PHTF2: variants seen among roughly 807,000 people sequenced by gnomAD.
The protein encoded by PHTF2 is protein PHTF2.
A neutral mutation model predicts 101.2 loss-of-function variants in PHTF2; 60 were observed. The ratio of observed to expected loss-of-function variants is 0.59; its 90% confidence interval spans 0.48 to 0.73. The LOEUF is 0.73. Among genes scored for constraint, PHTF2 ranks in the 30% least tolerant of loss-of-function variants. The pLI is 0.00. For synonymous variants in PHTF2, 311 were observed against 307.3 expected (o/e 1.01, Z -0.13); for missense variants, 747 against 908.7 (o/e 0.82, Z 2.29).
exon 20 of PHTF2, chr7:77,955,425 T>C (rs865979424): frequency 6.5e-6 from 1 of 152,742 alleles, no homozygotes; most frequent in South Asian, 2.1e-4. Context: ...TACGGTATTA[T>C]ATAACAGGTC....
intron 1 of PHTF2, among the ~76,000 whole-genome samples, chr7:77,831,768 G>T (rs1795094526): frequency 1.3e-5 from 2 of 152,156 alleles, no homozygotes; most frequent in Admixed American, 1.3e-4. Context: ...CAAAGAGGTT[G>T]CTTCTGAATG....
Position 77,920,269 on chromosome 7 carries a change from T to C in PHTF2, c.777-10T>C. 1 of 1,487,530 alleles carries C rather than the reference T, an allele frequency of 6.7e-7. No homozygotes were observed. Among genetic ancestry groups the C allele is most frequent in the South Asian group, 1.2e-5 (1 of 82,910 alleles). The allele number at this position is 1,487,530 out of a possible 1,614,324, so 92.1% of individuals were successfully genotyped here. A position where few individuals can be genotyped will look rare whatever the true frequency, so the allele number is the denominator to read the frequency against. On this transcript the variant is annotated splice_polypyrimidine_tract_variant and intron_variant, in intron 9 of 19. Transcript: ENST00000416283. ...AGTCCAAACATTCTTCTGCATATTT[T>C]AATTTTTAGATCAAAGAAAGCAAAG...
At chr7:77,866,019 A>T (rs1584528891) in intron 3 of PHTF2, among the ~76,000 whole-genome samples, 1 of 151,978 alleles carries the variant, frequency 6.6e-6, no homozygotes, top group Non-Finnish European at 1.5e-5. Context: ...CCATGTCTCT[A>T]CTAAAAATAC....
intron 11 of PHTF2, among the ~76,000 whole-genome samples, chr7:77,928,675 C>G (rs1038649077): frequency 3.3e-5 from 5 of 152,146 alleles, no homozygotes; most frequent in African/African-American, 1.2e-4. Context: ...GGTTCTGCAT[C>G]TCAGGAATAT....
At chr7:77,859,568 T>A (rs1469655551) in intron 3 of PHTF2, among the ~76,000 whole-genome samples, 1 of 149,640 alleles carries the variant, frequency 6.7e-6, no homozygotes, top group Non-Finnish European at 1.5e-5. Context: ...TTTCTTCTTT[T>A]TTTTTTTTTT....
intron 11 of PHTF2, chr7:77,923,612 C>T (rs1405948567): frequency 9.1e-6 from 9 of 985,004 alleles, no homozygotes; most frequent in Non-Finnish European, 1.1e-5. Context: ...GGTTGCCATA[C>T]AGACACTAAT....
Position 77,940,660 on chromosome 7 carries a change from G to C in PHTF2, c.1872+1G>C. The C allele has an allele frequency of 6.3e-7, 1 of 1,593,366 alleles. No individual in the cohort carries two copies. On this transcript the variant is annotated splice_donor_variant, in intron 15 of 19. Transcript: ENST00000416283. LOFTEE classifies it high-confidence loss of function. ...GCTATCTCTCCGTTCCTATCTTAAG[G>C]TAGAATGGGAGTGATAAAAGTAGCT...
At chr7:77,929,542 G>A (rs1424992631) in intron 12 of PHTF2, among the ~76,000 whole-genome samples, 1 of 152,094 alleles carries the variant, frequency 6.6e-6, no homozygotes, top group Non-Finnish European at 1.5e-5. Flanking sequence ...ATTGGTAACT[G>A]GAGTTTCGTA....
chr7:77,801,743 A>G (rs1257672281), intron 1 of PHTF2, among the ~76,000 whole-genome samples: 1 of 152,232 alleles, frequency 6.6e-6, no homozygotes, highest in Non-Finnish European at 1.5e-5. Context: ...CATCTCTAAG[A>G]TATCTCTTTA....
intron 2 of PHTF2, among the ~76,000 whole-genome samples, chr7:77,853,332 T>TC (rs1317151197): frequency 6.7e-6 from 1 of 149,736 alleles, no homozygotes; most frequent in Non-Finnish European, 1.5e-5. Context: ...TTCTGCTTGA[T>TC]CAGTTCTGCT....
intron 1 of PHTF2, among the ~76,000 whole-genome samples, chr7:77,810,552 T>A (rs1793355949): frequency 6.6e-6 from 1 of 152,218 alleles, no homozygotes; most frequent in Non-Finnish European, 1.5e-5. Context: ...TTTTTTCTTT[T>A]TTTGAGACGA....
intron 2 of PHTF2, among the ~76,000 whole-genome samples, chr7:77,852,618 T>C (rs906160744): frequency 6.6e-6 from 1 of 152,200 alleles, no homozygotes; most frequent in African/African-American, 2.4e-5. Context: ...TGTGAGTGGT[T>C]TATATATCAC....
chr7:77,955,924 T>C (rs1806965243), exon 20 of PHTF2: 2 of 152,594 alleles, frequency 1.3e-5, no homozygotes, highest in South Asian at 2.1e-4. Context: ...CCTCTAAACT[T>C]ATCTGGTGCA....
chr7:77,873,207 G>C (rs1045101638), intron 3 of PHTF2, among the ~76,000 whole-genome samples: 2 of 152,126 alleles, frequency 1.3e-5, no homozygotes, highest in Non-Finnish European at 2.9e-5. Flanking sequence ...GATTACAGGC[G>C]TGAGCCACTG....
chr7:77,921,033 C>T (rs1242646850), intron 10 of PHTF2, among the ~76,000 whole-genome samples: 2 of 152,108 alleles, frequency 1.3e-5, no homozygotes, highest in African/African-American at 4.8e-5. Flanking sequence ...TTTGTTAAGC[C>T]TTACTTTTTC....
At chr7:77,922,975 C>T (rs1377342080) in intron 11 of PHTF2, 197 bp downstream of exon 10, 5 of 1,278,682 alleles carry the variant, frequency 3.9e-6, no homozygotes, top group East Asian at 6.2e-5. Flanking sequence ...GATAGCCACA[C>T]ATTTGAGCTC....
chr7:77,823,577 C>T (rs1794476202), intron 1 of PHTF2, among the ~76,000 whole-genome samples: 1 of 152,176 alleles, frequency 6.6e-6, no homozygotes, highest in Non-Finnish European at 1.5e-5. Context: ...CTTATATGTT[C>T]TCACAATTTA....
intron 2 of PHTF2, among the ~76,000 whole-genome samples, chr7:77,845,408 T>C (rs1332373817): frequency 1.3e-5 from 2 of 152,242 alleles, no homozygotes; most frequent in Non-Finnish European, 2.9e-5. Flanking sequence ...GGAAGAACTG[T>C]ATGATACAGA....
chr7:77,846,594 C>T lies in PHTF2; in HGVS notation c.45+6294C>T, dbSNP rs184662690. Among the ~76,000 whole-genome samples the T allele has an allele frequency of 4.0e-4, 24 of 60,728 alleles. No individual in the cohort carries two copies. The South Asian group carries it at 5.2e-3, about 13-fold the overall frequency. The allele number at this position is 60,728 out of a possible 152,430, so 39.8% of individuals were successfully genotyped here. A position where few individuals can be genotyped will look rare whatever the true frequency, so the allele number is the denominator to read the frequency against. Reference sequence around the variant, plus strand: ...CTCCCCTCGCCTCCCCTCGCCTCCCCTCGCCTCCCTTCCCCTCCCTTCCCC... The same window carrying T: ...CTCCCCTCGCCTCCCCTCGCCTCCCTTCGCCTCCCTTCCCCTCCCTTCCCC... On this transcript the variant is annotated intron_variant, in intron 2 of 19. Coordinates refer to ENST00000416283, the Ensembl canonical transcript of PHTF2.
Sources: allele counts gnomAD v4.1 joint callset (sites outside exome capture counted in the v4.1 genomes callset), GRCh38; gene constraint gnomAD v4.1.1; transcripts MANE v1.5; gene names NCBI Gene and HGNC (gene_info 2026-07-23, HGNC 2026-07-21).